The following DRG1 variants were observed in gnomAD, a reference collection of about 807,000 sequenced individuals.
DRG1 encodes developmentally-regulated GTP-binding protein 1.
DRG1 carries 19 observed loss-of-function variants against 38.8 expected under a neutral mutation model. That is an observed-to-expected ratio of 0.49 (90% CI 0.34 to 0.72). The LOEUF is 0.72. Among genes scored for constraint, DRG1 ranks in the 30% least tolerant of loss-of-function variants. The probability of loss-of-function intolerance (pLI) is 0.01; values close to 1 mark genes in which losing one functional copy is unlikely to be tolerated. For missense variants in DRG1, 299 were observed against 444.8 expected (o/e 0.67, Z 2.95); for synonymous variants, 167 against 157.5 (o/e 1.06, Z -0.45).
At position 31,427,145 on chromosome 22, in the gene DRG1, A is replaced by G. The variant is rs2050115452; in HGVS notation, c.967A>G (p.Met323Val). ...CAGGACCACAGTGGAGGATTTCTGC[A>G]TGAAGATTCACAAAAATCTTATCAA... ...YSRTTVEDFCMKIHKNLIKEF... is the reference protein window; with the variant it reads ...YSRTTVEDFCVKIHKNLIKEF... The change falls in exon 8 of 9, where the codon ATG (methionine) becomes GTG (valine). Residue 323 changes from methionine to valine, a missense_variant. Physicochemically the swap from Met to Val is conservative, Grantham distance 21 (BLOSUM62 1). Around this residue, in one of 3 missense-constraint regions of DRG1, gnomAD observed 198 missense variants for 268.1 expected, o/e 0.74. Transcript: ENST00000331457. 8 of 1,614,188 alleles carry G rather than the reference A, an allele frequency of 5.0e-6. No individual in the cohort carries two copies. The highest frequency in any genetic ancestry group is 6.8e-6 in the Non-Finnish European group (8 of 1,180,024).
In DRG1 at chr22:31,434,320, A is replaced by T. The variant is rs1413284192; in HGVS notation, c.*349A>T. 2 of 230,676 alleles carry T rather than the reference A, an allele frequency of 8.7e-6. No individual in the cohort carries two copies. The highest frequency in any genetic ancestry group is 1.7e-5 in the Non-Finnish European group (2 of 116,640). 14.3% of individuals were successfully genotyped at this position (230,676 alleles called of 1,614,324 possible). A position where few individuals can be genotyped will look rare whatever the true frequency, so the allele number is the denominator to read the frequency against. The stretch of plus-strand genomic sequence containing the variant: ...AATGGATAAAAATATGACATGCTGC[A>T]TCTTACTTGATGTTTACTTATGGGA... On this transcript the variant is annotated 3_prime_UTR_variant, in exon 9 of 9. Transcript: ENST00000331457.
intron 8 of DRG1, among the ~76,000 whole-genome samples, chr22:31,430,600 C>T (rs933832002): frequency 5.9e-5 from 9 of 152,070 alleles, no homozygotes; most frequent in East Asian, 1.9e-4. Context: ...GGGGTCTCAC[C>T]GTGTTAGCCA....
chr22:31,424,393 C>T (rs1005266889), intron 6 of DRG1, among the ~76,000 whole-genome samples: 3 of 151,642 alleles, frequency 2.0e-5, no homozygotes, highest in African/African-American at 4.8e-5. Flanking sequence ...TCAAGTGATC[C>T]GCCTGCCTTG....
chr22:31,405,202 T>A (rs1450098034), intron 3 of DRG1, among the ~76,000 whole-genome samples: 1 of 151,746 alleles, frequency 6.6e-6, no homozygotes, highest in Non-Finnish European at 1.5e-5. Context: ...AGAGTCTTGC[T>A]GTGTCACCCA....
chr22:31,399,980 G>T (rs2049951840), intron 1 of DRG1, among the ~76,000 whole-genome samples: 1 of 151,988 alleles, frequency 6.6e-6, no homozygotes, highest in Admixed American at 6.6e-5. Context: ...CCGCACCCCT[G>T]CACCTTAGGC....
At chr22:31,418,241 G>A (rs1178182019) in intron 4 of DRG1, among the ~76,000 whole-genome samples, 2 of 151,878 alleles carry the variant, frequency 1.3e-5, no homozygotes, top group African/African-American at 4.8e-5. Flanking sequence ...CCAGGAGTTC[G>A]AGACCAACCT....
At chr22:31,421,882 C>T (rs1227409300) in intron 5 of DRG1, among the ~76,000 whole-genome samples, 1 of 151,896 alleles carries the variant, frequency 6.6e-6, no homozygotes, top group African/African-American at 2.4e-5. Flanking sequence ...TTTGGGAGTC[C>T]GAGGTGGGCG....
At chr22:31,414,435 A>G (rs1276326571) in intron 4 of DRG1, among the ~76,000 whole-genome samples, 1 of 152,164 alleles carries the variant, frequency 6.6e-6, no homozygotes, top group Non-Finnish European at 1.5e-5. Context: ...CCTCATCTCT[A>G]TTAAAAAATG....
chr22:31,400,393 T>G (rs1450732823), intron 1 of DRG1, among the ~76,000 whole-genome samples: 1 of 152,058 alleles, frequency 6.6e-6, no homozygotes, highest in Non-Finnish European at 1.5e-5. Context: ...CAGTCTAGTC[T>G]GGGGGCACTA....
At chr22:31,419,358 T>A (rs1460464331) in intron 4 of DRG1, among the ~76,000 whole-genome samples, 1 of 146,218 alleles carries the variant, frequency 6.8e-6, no homozygotes, top group African/African-American at 2.5e-5. Context: ...AAAGACTACT[T>A]TTTTTTTTTT....
intron 8 of DRG1, among the ~76,000 whole-genome samples, chr22:31,433,522 C>T (rs773934574): frequency 5.9e-5 from 9 of 152,178 alleles, no homozygotes; most frequent in Non-Finnish European, 8.8e-5. Context: ...CCGCACCCTT[C>T]GGCCTCCCAA....
chr22:31,408,134 CTTTTTTTT>C (rs1206312150), intron 3 of DRG1, among the ~76,000 whole-genome samples: 2 of 38,302 alleles, frequency 5.2e-5, no homozygotes, highest in African/African-American at 2.1e-4. Context: ...TTTTTTCCTT[CTTTTTTTT>C]TTTTTTTTTT....
chr22:31,432,583 G>A (rs900413449), intron 8 of DRG1, among the ~76,000 whole-genome samples: 32 of 152,140 alleles, frequency 2.1e-4, no homozygotes, highest in African/African-American at 7.5e-4. Context: ...GCGCTACCAC[G>A]CCCAGCTAAT....
chr22:31,402,505 C>CTTTTTTTT (rs66506650), intron 2 of DRG1, among the ~76,000 whole-genome samples: 1 of 104,734 alleles, frequency 9.5e-6, no homozygotes, highest in African/African-American at 3.7e-5. Context: ...TGGGCTGTAC[C>CTTTTTTTT]TTTTTTTTTT....
At chr22:31,400,597 T>C (rs2049955539) in intron 1 of DRG1, 23 bp from the exon 2 acceptor site, 3 of 1,607,988 alleles carry the variant, frequency 1.9e-6, no homozygotes, top group Non-Finnish European at 2.6e-6. Context: ...TTCTAATTTA[T>C]GGCTGTGATT....
chr22:31,412,845 C>T (rs2050025363), intron 4 of DRG1, among the ~76,000 whole-genome samples: 2 of 151,860 alleles, frequency 1.3e-5, no homozygotes, highest in Admixed American at 1.3e-4. Flanking sequence ...GCCACCATAC[C>T]CGGCTAATTT....
At chr22:31,426,933 G>C (rs73881377) in intron 7 of DRG1, 127 bp from the exon 8 acceptor site, 1 of 1,499,960 alleles carries the variant, frequency 6.7e-7, no homozygotes, top group African/African-American at 1.4e-5. Flanking sequence ...AGGTCATATT[G>C]AGGACACTTT....
chr22:31,405,237 G>A (rs1488869148), intron 3 of DRG1, among the ~76,000 whole-genome samples: 5 of 148,962 alleles, frequency 3.4e-5, no homozygotes, highest in African/African-American at 7.4e-5. Context: ...GGCGTGATTC[G>A]GCTCACTGCA....
intron 4 of DRG1, among the ~76,000 whole-genome samples, chr22:31,417,727 A>G (rs1336924155): frequency 6.6e-6 from 1 of 152,088 alleles, no homozygotes; most frequent in Non-Finnish European, 1.5e-5. Flanking sequence ...ATGGTGGTAC[A>G]TGCATGTAAT....
Sources: allele counts gnomAD v4.1 joint callset (sites outside exome capture counted in the v4.1 genomes callset), GRCh38; gene constraint gnomAD v4.1.1; regional missense constraint gnomAD v4.1.1; transcripts MANE v1.5; gene names NCBI Gene and HGNC (gene_info 2026-07-23, HGNC 2026-07-21).